The following SHB variants were observed in gnomAD, a reference collection of about 807,000 sequenced individuals.
SHB encodes SH2 domain-containing adapter protein B.
Under a neutral mutation model 52.3 loss-of-function variants are expected in SHB, and 20 were observed. The observed-to-expected ratio is 0.38, with a 90% CI of 0.27 to 0.56. The LOEUF (loss-of-function observed/expected upper bound fraction) is 0.56, where lower values mean the gene tolerates loss of function less well. Among genes scored for constraint, SHB ranks in the 20% least tolerant of loss-of-function variants. The pLI, the probability that SHB is intolerant of heterozygous loss-of-function variation, is 0.71. For synonymous variants in SHB, 397 were observed against 316.5 expected (o/e 1.25, Z -2.70); for missense variants, 825 against 723.3 (o/e 1.14, Z -1.61).
chr9:38,029,522 C>T (rs969042028), intron 1 of SHB, among the ~76,000 whole-genome samples: 2 of 152,018 alleles, frequency 1.3e-5, no homozygotes, highest in East Asian at 1.9e-4. Flanking sequence ...GATGGAATCT[C>T]GCTCTGTTGC....
chr9:38,013,711 C>G (rs1821173066), intron 2 of SHB, among the ~76,000 whole-genome samples: 1 of 152,200 alleles, frequency 6.6e-6, no homozygotes, highest in African/African-American at 2.4e-5. Flanking sequence ...TCCTAAGGCA[C>G]CAGGCAGGGG....
At chr9:38,015,314 T>C in intron 2 of SHB, 1 of 659,084 alleles carries the variant, frequency 1.5e-6, no homozygotes, top group East Asian at 2.7e-5. Flanking sequence ...CTTCACTTCT[T>C]AAAGATGCTC....
chr9:37,995,982 T>C (rs558190197), intron 2 of SHB, among the ~76,000 whole-genome samples: 7 of 152,194 alleles, frequency 4.6e-5, no homozygotes, highest in Non-Finnish European at 7.3e-5. Flanking sequence ...GGGGTTTAAT[T>C]TGCAACTAAT....
intron 1 of SHB, among the ~76,000 whole-genome samples, chr9:38,046,719 T>C (rs1284857573): frequency 6.6e-6 from 1 of 152,240 alleles, no homozygotes; most frequent in African/African-American, 2.4e-5. Flanking sequence ...TGTGGCTTCA[T>C]TGTAAAGTTG....
rs1018064125 is a variant in SHB, at chr9:37,956,146, T to G, written c.1055-92A>C. On this transcript the variant is annotated intron_variant, in intron 3 of 5. Coordinates refer to ENST00000377707, the MANE Select transcript of SHB (RefSeq NM_003028.3). The stretch of plus-strand genomic sequence containing the variant: ...AAGGGTAACGTTCAGCTGGTCTAGT[T>G]GGCAATTTACAGCTTGCAGGAGGAA... The G allele has an allele frequency of 3.2e-6, 4 of 1,236,336 alleles. No individual in the cohort carries two copies. The African/African-American group carries it at 6.1e-5, about 19-fold the overall frequency. 76.6% of individuals were successfully genotyped at this position (1,236,336 alleles called of 1,614,324 possible). A position where few individuals can be genotyped will look rare whatever the true frequency, so the allele number is the denominator to read the frequency against.
intron 1 of SHB, among the ~76,000 whole-genome samples, chr9:38,059,229 C>T (rs1028670904): frequency 2.6e-5 from 4 of 151,446 alleles, no homozygotes; most frequent in Non-Finnish European, 5.9e-5. Context: ...CCAGGGAATT[C>T]GCTTCCCCCA....
chr9:37,992,729 C>T (rs951087152), intron 2 of SHB, among the ~76,000 whole-genome samples: 2 of 152,206 alleles, frequency 1.3e-5, no homozygotes, highest in African/African-American at 4.8e-5. Context: ...TGTAAATGAA[C>T]TAGACAGCAC....
intron 1 of SHB, among the ~76,000 whole-genome samples, chr9:38,043,814 G>A (rs1286093576): frequency 2.6e-5 from 4 of 152,146 alleles, no homozygotes; most frequent in African/African-American, 7.2e-5. Flanking sequence ...GCTTGAACCC[G>A]GGAGGTGGAG....
intron 5 of SHB, among the ~76,000 whole-genome samples, chr9:37,945,835 G>A (rs140952682): frequency 8.4e-4 from 128 of 152,284 alleles, no homozygotes; most frequent in Admixed American, 2.0e-3. Flanking sequence ...ATTGGTGGAG[G>A]TGGCCTTAGA....
At chr9:37,982,165 C>A (rs972334670) in intron 2 of SHB, among the ~76,000 whole-genome samples, 1 of 151,746 alleles carries the variant, frequency 6.6e-6, no homozygotes, top group Non-Finnish European at 1.5e-5. Context: ...TATGCCTAAA[C>A]ATTTTATTAT....
At position 37,968,924 on chromosome 9, in the gene SHB, C is replaced by T. The variant is rs529054550; in HGVS notation, c.1054+5698G>A. On this transcript the variant is annotated intron_variant, in intron 3 of 5. Transcript: ENST00000377707. The stretch of plus-strand genomic sequence containing the variant: ...TGTGGGACTCTATGGTATACGGGCC[C>T]CTCTCTGTGCTGAGTGGTGGTAGGA... 2.6e-5 allele frequency among the ~76,000 whole-genome samples: 4 copies of T among 152,096 alleles called. No homozygotes were observed. The South Asian group carries it at 8.3e-4, about 31-fold the overall frequency.
intron 5 of SHB, among the ~76,000 whole-genome samples, chr9:37,937,345 T>C (rs1034166825): frequency 6.6e-6 from 1 of 151,744 alleles, no homozygotes; most frequent in Non-Finnish European, 1.5e-5. Flanking sequence ...CCAAAAGAAA[T>C]GGCAAAAATA....
intron 1 of SHB, among the ~76,000 whole-genome samples, chr9:38,020,329 C>G (rs1049553344): frequency 3.9e-5 from 6 of 152,204 alleles, no homozygotes; most frequent in Non-Finnish European, 5.9e-5. Context: ...AGATTCCTAG[C>G]CCCAATAATC....
intron 5 of SHB, among the ~76,000 whole-genome samples, chr9:37,930,063 A>G (rs1587195641): frequency 6.6e-6 from 1 of 152,280 alleles, no homozygotes; most frequent in East Asian, 1.9e-4. Flanking sequence ...GTTCACACCA[A>G]TGCAGTCCAG....
intron 3 of SHB, among the ~76,000 whole-genome samples, chr9:37,972,213 C>T (rs1820598491): frequency 6.6e-6 from 1 of 152,150 alleles, no homozygotes; most frequent in Non-Finnish European, 1.5e-5. Flanking sequence ...TCACATGAGC[C>T]TTTTTAGCCC....
At chr9:37,985,308 C>T (rs1820791153) in intron 2 of SHB, among the ~76,000 whole-genome samples, 1 of 152,234 alleles carries the variant, frequency 6.6e-6, no homozygotes, top group South Asian at 2.1e-4. Context: ...AGGGTCTTCT[C>T]ATGAGCCCCT....
At chr9:38,048,283 G>A (rs923646968) in intron 1 of SHB, among the ~76,000 whole-genome samples, 3 of 151,954 alleles carry the variant, frequency 2.0e-5, no homozygotes, top group African/African-American at 2.4e-5. Context: ...TACATATGTC[G>A]GTGGGAATGC....
At chr9:37,955,343 T>C (rs570611519) in intron 4 of SHB, among the ~76,000 whole-genome samples, 3 of 152,226 alleles carry the variant, frequency 2.0e-5, no homozygotes, top group African/African-American at 7.2e-5. Context: ...AGGTATGTGT[T>C]CTAATCCTGG....
At chr9:38,055,862 T>C (rs571559628) in intron 1 of SHB, among the ~76,000 whole-genome samples, 2 of 151,016 alleles carry the variant, frequency 1.3e-5, no homozygotes, top group African/African-American at 4.9e-5. Flanking sequence ...CAGCCCAGCC[T>C]CCGGTATCAG....
Sources: allele counts gnomAD v4.1 joint callset (sites outside exome capture counted in the v4.1 genomes callset), GRCh38; gene constraint gnomAD v4.1.1; transcripts MANE v1.5; gene names NCBI Gene and HGNC (gene_info 2026-07-23, HGNC 2026-07-21).